Variants in PARP2 observed in about 807,000 individuals in gnomAD.
PARP2 encodes the protein poly(ADP-ribose) polymerase 2.
A neutral mutation model predicts 77.8 loss-of-function variants in PARP2; 57 were observed. That is an observed-to-expected ratio of 0.73 (90% CI 0.59 to 0.91). The LOEUF (loss-of-function observed/expected upper bound fraction) is 0.91. Among genes scored for constraint, PARP2 ranks in the 40% least tolerant of loss-of-function variants. The probability of loss-of-function intolerance (pLI) is 0.00; values close to 1 mark genes in which losing one functional copy is unlikely to be tolerated. For synonymous variants in PARP2, 226 were observed against 242.6 expected (o/e 0.93, Z 0.64); for missense variants, 651 against 689.0 (o/e 0.94, Z 0.62).
intron 6 of PARP2, 44 bp downstream of exon 6, chr14:20,351,166 CTTAGAT>C: frequency 1.3e-6 from 2 of 1,482,290 alleles, no homozygotes; most frequent in Non-Finnish European, 1.9e-6. Context: ...CCCTCCTCTT[CTTAGAT>C]GTATATTCTC....
intron 4 of PARP2, among the ~76,000 whole-genome samples, chr14:20,347,396 A>G (rs1392159478): frequency 1.9e-4 from 2 of 10,612 alleles, no homozygotes; most frequent in Non-Finnish European, 1.4e-4. Context: ...ATATATATAT[A>G]TATTTTTTTT....
chr14:20,345,195 T>G, intron 2 of PARP2, 108 bp downstream of exon 2: 1 of 1,290,568 alleles, frequency 7.7e-7, no homozygotes, highest in African/African-American at 1.5e-5. Context: ...CAGGGAATAA[T>G]TAATTTCTCT....
intron 12 of PARP2, 56 bp downstream of exon 12, chr14:20,356,490 A>G: frequency 6.2e-7 from 1 of 1,611,822 alleles, no homozygotes; most frequent in Non-Finnish European, 8.5e-7. Context: ...GTACAGCTGT[A>G]GAACTTATAA....
At chr14:20,354,703 GAA>G in intron 8 of PARP2, 104 bp from the exon 9 acceptor site, 17 of 1,062,100 alleles carry the variant, frequency 1.6e-5, no homozygotes, top group Non-Finnish European at 2.1e-5. Context: ...TTAAAAACAG[GAA>G]AAAAAAAAGT....
At position 20,356,382 on chromosome 14, in the gene PARP2, G is replaced by A. The variant is rs1375665638; in HGVS notation, c.1177G>A (p.Glu393Lys). The A allele has an allele frequency of 1.2e-6, 2 of 1,614,126 alleles. No individual in the cohort carries two copies. The highest frequency in any genetic ancestry group is 1.1e-5 in the South Asian group (1 of 91,084). ...DYTMTLLDLF[E>K]VEKDGEKEAF... ...TACCATGACCTTGCTGGATTTGTTTGAAGTGGAGAAGGATGGTGAGAAAGA... is the reference window on the plus strand; with the variant it reads ...TACCATGACCTTGCTGGATTTGTTTAAAGTGGAGAAGGATGGTGAGAAAGA... The change falls in exon 12 of 16, where the codon GAA (glutamate) becomes AAA (lysine). Residue 393 changes from glutamate to lysine, a missense_variant. Coordinates refer to ENST00000429687, the MANE Select transcript of PARP2 (RefSeq NM_001042618.2).
chr14:20,351,003 G>T, intron 5 of PARP2, 44 bp from the exon 6 acceptor site: 1 of 1,462,184 alleles, frequency 6.8e-7, no homozygotes, highest in Non-Finnish European at 9.6e-7. Context: ...GAGCTGGCCT[G>T]TTACTCTTAG....
chr14:20,357,577 T>TTC, intron 15 of PARP2, 57 bp downstream of exon 15: 1 of 1,603,964 alleles, frequency 6.2e-7, no homozygotes. Flanking sequence ...TAAGACTACG[T>TTC]TCTCTATTGC....
chr14:20,357,082 C>G lies in PARP2; in HGVS notation c.1361C>G (p.Ser454Cys). 2 of 1,612,712 alleles carry G rather than the reference C, an allele frequency of 1.2e-6. No individual in the cohort carries two copies. Among genetic ancestry groups the G allele is most frequent in the Non-Finnish European group, 1.7e-6 (2 of 1,178,684 alleles). Residue 454 changes from serine to cysteine, a missense_variant, in exon 14 of 16, where the codon TCT (serine) becomes TGT (cysteine). Transcript: ENST00000429687. ...AAAGGAATCTACTTTGCTGACATGT[C>G]TTCCAAGAGTGCCAATTACTGCTTT... ...FGKGIYFADMSSKSANYCFAS... is the reference protein window; with the variant it reads ...FGKGIYFADMCSKSANYCFAS...
intron 8 of PARP2, 96 bp from the exon 9 acceptor site, chr14:20,354,713 A>G (rs1884078769): frequency 8.2e-6 from 10 of 1,225,432 alleles, no homozygotes; most frequent in Non-Finnish European, 1.1e-5. Context: ...GAAAAAAAAA[A>G]GTTGAAAGAT....
Position 20,348,021 on chromosome 14 carries a change from A to G in PARP2, c.324+1108A>G, listed in dbSNP as rs187935924. On this transcript the variant is annotated intron_variant, in intron 4 of 15. Coordinates refer to ENST00000429687, the MANE Select transcript of PARP2 (RefSeq NM_001042618.2). ...CCTGAGTAGCTCGGACTTCAGGCGC[A>G]TGCCACAAAGCCTGACTAATTTTTA... is the stretch of plus-strand genomic sequence containing the variant. 1.1e-4 allele frequency among the ~76,000 whole-genome samples: 17 copies of G among 152,162 alleles called. No individual in the cohort carries two copies. In the East Asian group the frequency reaches 2.5e-3, roughly 22 times the overall value.
intron 9 of PARP2, 56 bp from the exon 10 acceptor site, chr14:20,355,696 T>C: frequency 7.3e-7 from 1 of 1,369,414 alleles, no homozygotes; most frequent in South Asian, 1.2e-5. Context: ...TTTTTAGTCA[T>C]GCGCCTTTTA....
intron 4 of PARP2, among the ~76,000 whole-genome samples, chr14:20,347,149 C>T (rs1883756522): frequency 6.7e-6 from 1 of 149,848 alleles, no homozygotes; most frequent in Non-Finnish European, 1.5e-5. Context: ...CTGCCTCAGC[C>T]TCCCAAGTAG....
Position 20,351,020 on chromosome 14 carries a change from A to G in PARP2, c.422-27A>G, listed in dbSNP as rs370537185. 4.9e-5 allele frequency: 78 copies of G among 1,589,748 alleles called. No individual in the cohort carries two copies. The African/African-American group carries it at 7.5e-4, about 15-fold the overall frequency. ...GCTGGCCTGTTACTCTTAGGGAACT[A>G]TCTTATGTGTGGCATTTCCTTTGCA... On this transcript the variant is annotated intron_variant, in intron 5 of 15. Coordinates refer to ENST00000429687, the MANE Select transcript of PARP2 (RefSeq NM_001042618.2).
In PARP2 at chr14:20,357,650, A is replaced by G. The variant is rs766542391; in HGVS notation, c.1566A>G (p.Thr522=). The G allele has an allele frequency of 6.2e-7, 1 of 1,612,646 alleles. No individual in the cohort carries two copies. Among genetic ancestry groups the G allele is most frequent in the Non-Finnish European group, 8.5e-7 (1 of 1,179,636 alleles). ...TTCCATTTGGCAGGAATGGGAGTAC[A>G]GTGCCATTAGGACCAGCAAGTGACA... ...SAHFVTLNGS[T]VPLGPASDTG... The change falls in exon 16 of 16, where the codon ACA becomes ACG. Residue 522 remains threonine (T), a synonymous_variant. Coordinates refer to ENST00000429687, the MANE Select transcript of PARP2 (RefSeq NM_001042618.2).
intron 4 of PARP2, 113 bp downstream of exon 4, chr14:20,347,026 T>TA (rs58791613): frequency 5.5e-4 from 345 of 629,490 alleles, no homozygotes; most frequent in South Asian, 5.1e-4. Context: ...TTTTTTTTTT[T>TA]AAATTTTGTT....
At position 20,355,223 on chromosome 14, in the gene PARP2, C is replaced by T. The variant is rs1034334221; in HGVS notation, c.902+276C>T. On this transcript the variant is annotated intron_variant, in intron 9 of 15. Coordinates refer to ENST00000429687, the MANE Select transcript of PARP2 (RefSeq NM_001042618.2). ...GCTATCCAACCACCCAAGTAAAACACCTTCAGGCATATCACCCCCTTTTCC... is the reference window on the plus strand; with the variant it reads ...GCTATCCAACCACCCAAGTAAAACATCTTCAGGCATATCACCCCCTTTTCC... The T allele has an allele frequency of 1.3e-5, 4 of 301,578 alleles. No homozygotes were observed. The Admixed American group carries it at 1.4e-4, about 11-fold the overall frequency. The allele number at this position is 301,578 out of a possible 1,614,324, so 18.7% of individuals were successfully genotyped here.
At chr14:20,343,775 C>T in intron 1 of PARP2, 88 bp downstream of exon 1, 1 of 1,403,644 alleles carries the variant, frequency 7.1e-7, no homozygotes, top group Non-Finnish European at 9.9e-7. Context: ...CTTCCCCTTC[C>T]AGCTCCCTAT....
chr14:20,346,781 C>CT (rs1883735348), intron 3 of PARP2, 82 bp from the exon 4 acceptor site: 1 of 873,114 alleles, frequency 1.1e-6, no homozygotes, highest in African/African-American at 1.7e-5. Flanking sequence ...TGACTTGAGC[C>CT]ATAAGAAAAT....
In PARP2 at chr14:20,357,725, T is replaced by C; in HGVS notation, c.1641T>C (p.Ile547=). ...ATACCCTCAACTACAATGAATATATTGTATATAACCCCAACCAGGTCCGTA... is the reference window on the plus strand; with the variant it reads ...ATACCCTCAACTACAATGAATATATCGTATATAACCCCAACCAGGTCCGTA... The part of the protein sequence containing the change: ...DGYTLNYNEY[I]VYNPNQVRMR... The change falls in exon 16 of 16, where the codon ATT becomes ATC. Residue 547 remains isoleucine, a synonymous_variant. Coordinates refer to ENST00000429687, the MANE Select transcript of PARP2 (RefSeq NM_001042618.2). The C allele has an allele frequency of 6.2e-7, 1 of 1,613,812 alleles. No homozygotes were observed. The highest frequency in any genetic ancestry group is 1.3e-5 in the African/African-American group (1 of 75,044).
Sources: allele counts gnomAD v4.1 joint callset (sites outside exome capture counted in the v4.1 genomes callset), GRCh38; gene constraint gnomAD v4.1.1; transcripts MANE v1.5; gene names NCBI Gene and HGNC (gene_info 2026-07-23, HGNC 2026-07-21).